DHRSX: variants seen among roughly 807,000 people sequenced by gnomAD.
DHRSX encodes polyprenol dehydrogenase.
Under a neutral mutation model 34.0 loss-of-function variants are expected in DHRSX, and 31 were observed. The ratio of observed to expected loss-of-function variants is 0.91; its 90% confidence interval spans 0.69 to 1.23. DHRSX has a LOEUF of 1.23. DHRSX is among the 50% of genes most tolerant of loss of function. DHRSX has a pLI of 0.00. For synonymous variants in DHRSX, 201 were observed against 183.8 expected (o/e 1.09, Z -0.76); for missense variants, 414 against 428.1 (o/e 0.97, Z 0.29).
intron 1 of DHRSX, among the ~76,000 whole-genome samples, chrX:2,444,901 A>T (rs1359318130): frequency 6.6e-6 from 1 of 152,154 alleles, no homozygotes; most frequent in East Asian, 1.9e-4. Flanking sequence ...TCACACCTGT[A>T]ATCCCAGCAC....
At chrX:2,323,396 A>G (rs1004388952) in intron 3 of DHRSX, among the ~76,000 whole-genome samples, 1 of 152,122 alleles carries the variant, frequency 6.6e-6, no homozygotes, top group African/African-American at 2.4e-5. Flanking sequence ...CACTCAGAGT[A>G]CTCCAACTAC....
At chrX:2,487,238 A>T (rs2044965021) in intron 1 of DHRSX, 1 of 152,256 alleles carries the variant, frequency 6.6e-6, no homozygotes, top group African/African-American at 2.4e-5. Flanking sequence ...AGTTTAAAAG[A>T]GAAGAATCAA....
At chrX:2,371,390 TCCC>T (rs1187478384) in intron 3 of DHRSX, among the ~76,000 whole-genome samples, 3 of 143,258 alleles carry the variant, frequency 2.1e-5, no homozygotes, top group Admixed American at 1.4e-4. Context: ...GTTACCACAG[TCCC>T]CCCTTCTCAC....
intron 1 of DHRSX, among the ~76,000 whole-genome samples, chrX:2,466,641 GT>G (rs1341993142): frequency 6.0e-5 from 9 of 151,208 alleles, no homozygotes; most frequent in African/African-American, 1.7e-4. Flanking sequence ...AGGGTGGAGG[GT>G]GGGAGAAATG....
intron 6 of DHRSX, among the ~76,000 whole-genome samples, chrX:2,229,709 G>A (rs1424102341): frequency 6.6e-6 from 1 of 152,068 alleles, no homozygotes; most frequent in Non-Finnish European, 1.5e-5. Flanking sequence ...ACGTTAATGG[G>A]TACGTGTGTG....
At chrX:2,368,594 A>G (rs2043021415) in intron 3 of DHRSX, among the ~76,000 whole-genome samples, 1 of 152,166 alleles carries the variant, frequency 6.6e-6, no homozygotes, top group South Asian at 2.1e-4. Flanking sequence ...TCACGCCTGT[A>G]ATCCCAGCAG....
Position 2,420,717 on chromosome X carries a change from TG to T in DHRSX, c.217+4479del, listed in dbSNP as rs199884498. On this transcript the variant is annotated intron_variant, in intron 2 of 6. Coordinates refer to ENST00000334651, the MANE Select transcript of DHRSX (RefSeq NM_145177.3). ...GAGATCGCGCCACTGCACTCCAGCCTGGGCAACAGAGTGAGACTTCATGTCA... is the reference window on the plus strand; with the variant it reads ...GAGATCGCGCCACTGCACTCCAGCCTGGCAACAGAGTGAGACTTCATGTCA... Among the ~76,000 whole-genome samples the T allele has an allele frequency of 6.5e-3, 984 of 151,492 alleles. 11 individuals carry two copies. Among genetic ancestry groups the T allele is most frequent in the African/African-American group, 0.023 (937 of 41,262 alleles).
chrX:2,306,019 CT>C (rs113643507), intron 3 of DHRSX, among the ~76,000 whole-genome samples: 106,089 of 151,606 alleles, frequency 0.7, 38,144 homozygotes, highest in Middle Eastern at 0.8. Context: ...TCATGCTGGG[CT>C]TTAATACTTA....
chrX:2,410,396 A>T (rs2073457129), intron 2 of DHRSX, among the ~76,000 whole-genome samples: 1 of 152,198 alleles, frequency 6.6e-6, no homozygotes, highest in Admixed American at 6.5e-5. Context: ...CTGATCTGCA[A>T]GGAGCAGTTA....
intron 2 of DHRSX, among the ~76,000 whole-genome samples, chrX:2,420,151 G>A (rs6641679): frequency 6.7e-6 from 1 of 149,264 alleles, no homozygotes; most frequent in Non-Finnish European, 1.5e-5. Flanking sequence ...GCTCACGCCT[G>A]TAATCCCAGC....
intron 3 of DHRSX, among the ~76,000 whole-genome samples, chrX:2,390,001 G>C (rs986506242): frequency 6.6e-6 from 1 of 151,826 alleles, no homozygotes; most frequent in Non-Finnish European, 1.5e-5. Context: ...CGGTGGTCTC[G>C]AACTCCCGAC....
At chrX:2,270,403 G>C (rs2041533603) in intron 4 of DHRSX, among the ~76,000 whole-genome samples, 1 of 152,164 alleles carries the variant, frequency 6.6e-6, no homozygotes, top group East Asian at 1.9e-4. Context: ...CGAGATTCAA[G>C]AGACGGAGCA....
At chrX:2,476,644 C>A (rs192350267) in intron 1 of DHRSX, among the ~76,000 whole-genome samples, 1 of 152,058 alleles carries the variant, frequency 6.6e-6, no homozygotes. Context: ...CTCAAAACAA[C>A]GCCACGTAGA....
Position 2,249,513 on chromosome X carries a change from C to CTTTTTTT in DHRSX, c.597-6290_597-6284dup, listed in dbSNP as rs753035485. Reference sequence around the variant, plus strand: ...CCACCACGCTCAGCCCTTTTTGTGCCTTTTTTTTTTTTTTTTTTTTTTTTT... The same window carrying CTTTTTTT: ...CCACCACGCTCAGCCCTTTTTGTGCCTTTTTTTTTTTTTTTTTTTTTTTTTTTTTTTT... On this transcript the variant is annotated intron_variant, in intron 5 of 6. Transcript: ENST00000334651. Among the ~76,000 whole-genome samples, 185 of 70,174 alleles carry CTTTTTTT rather than the reference C, an allele frequency of 2.6e-3. 10 individuals are homozygous for CTTTTTTT. The highest frequency in any genetic ancestry group is 8.0e-3 in the African/African-American group (169 of 21,048). The allele number at this position is 70,174 out of a possible 152,430, so 46.0% of individuals were successfully genotyped here.
chrX:2,392,442 GC>G, intron 3 of DHRSX: 1 of 307,464 alleles, frequency 3.3e-6, no homozygotes, highest in South Asian at 2.9e-5. Context: ...CAGAGGCAAA[GC>G]CAGCCCGGGC....
At chrX:2,399,139 G>A (rs1393813167) in intron 3 of DHRSX, among the ~76,000 whole-genome samples, 1 of 117,306 alleles carries the variant, frequency 8.5e-6, no homozygotes, top group Non-Finnish European at 1.8e-5. Context: ...TTACCACCCT[G>A]AGATATGAAG....
At chrX:2,308,897 G>A (rs2042131842) in intron 3 of DHRSX, among the ~76,000 whole-genome samples, 2 of 133,554 alleles carry the variant, frequency 1.5e-5, no homozygotes, top group African/African-American at 6.4e-5. Flanking sequence ...GGGAAGGAAG[G>A]AAGAAGGAGA....
intron 2 of DHRSX, among the ~76,000 whole-genome samples, chrX:2,412,904 T>C (rs1452865240): frequency 6.6e-6 from 1 of 152,132 alleles, no homozygotes; most frequent in Non-Finnish European, 1.5e-5. Flanking sequence ...AAAAGTATTA[T>C]GATGATTATT....
At chrX:2,268,092 G>A (rs1353969991) in intron 4 of DHRSX, among the ~76,000 whole-genome samples, 2 of 152,106 alleles carry the variant, frequency 1.3e-5, no homozygotes, top group African/African-American at 4.8e-5. Context: ...CAGCCCTGTC[G>A]GTCATCATTC....
Sources: gnomAD v4.1 joint callset for allele counts (sites outside exome capture counted in the v4.1 genomes callset) on GRCh38, gnomAD v4.1.1 for gene constraint, MANE v1.5 for transcripts, NCBI Gene and HGNC (gene_info 2026-07-23, HGNC 2026-07-21) for gene names.